LRRC49: variants seen among roughly 807,000 people sequenced by gnomAD.
LRRC49 encodes the protein leucine-rich repeat-containing protein 49.
A neutral mutation model predicts 83.3 loss-of-function variants in LRRC49; 50 were observed. The ratio of observed to expected loss-of-function variants is 0.60; its 90% CI spans 0.48 to 0.76. The LOEUF (loss-of-function observed/expected upper bound fraction) is 0.76. LRRC49 is among the 30% of genes least tolerant of loss of function. LRRC49 has a pLI of 0.00. For missense variants in LRRC49, 704 were observed against 809.1 expected (o/e 0.87, Z 1.58); for synonymous variants, 286 against 283.3 (o/e 1.01, Z -0.10).
intron 14 of LRRC49, among the ~76,000 whole-genome samples, chr15:71,032,516 G>A (rs2039390522): frequency 6.6e-6 from 1 of 152,046 alleles, no homozygotes. Context: ...ATTTTATGAG[G>A]CCATTATCAT....
intron 5 of LRRC49, among the ~76,000 whole-genome samples, 183 bp downstream of exon 5, chr15:70,904,938 T>C (rs1430418700): frequency 6.6e-6 from 1 of 152,210 alleles, no homozygotes; most frequent in Admixed American, 6.5e-5. Context: ...GTATGACAAT[T>C]TGTCACACCA....
intron 7 of LRRC49, among the ~76,000 whole-genome samples, chr15:70,933,749 G>C (rs548557634): frequency 1.4e-3 from 214 of 152,232 alleles, no homozygotes; most frequent in African/African-American, 4.9e-3. Flanking sequence ...GTTTAGGGTG[G>C]GTCTTTCAAT....
chr15:70,880,747 C>G (rs1032846652), intron 2 of LRRC49, among the ~76,000 whole-genome samples: 1 of 152,050 alleles, frequency 6.6e-6, no homozygotes, highest in African/African-American at 2.4e-5. Flanking sequence ...GTTGACATGG[C>G]TGTCAAAACT....
chr15:70,961,371 T>C (rs940962257), intron 8 of LRRC49, among the ~76,000 whole-genome samples: 1 of 152,212 alleles, frequency 6.6e-6, no homozygotes, highest in Admixed American at 6.5e-5. Flanking sequence ...ATAGTCTTAC[T>C]GTAATATACA....
chr15:70,890,384 T>C (rs748517581), upstream of LRRC49, among the ~76,000 whole-genome samples: 53 of 152,308 alleles, frequency 3.5e-4, no homozygotes, highest in African/African-American at 1.2e-3. Context: ...TGGCAGATAA[T>C]TGAAAATTCA....
intron 11 of LRRC49, among the ~76,000 whole-genome samples, chr15:71,001,986 C>T (rs570023620): frequency 8.5e-5 from 13 of 152,068 alleles, no homozygotes; most frequent in Non-Finnish European, 1.5e-4. Flanking sequence ...CCACCGTGCC[C>T]GGCTGTCTAT....
Position 70,959,348 on chromosome 15 carries a change from G to C in LRRC49, c.774-4437G>C, listed in dbSNP as rs1002171697. ...CTACTAAAAATACAAAGAATTAGCC[G>C]GGTGTGGTGGTGCATGCCTGTAATC... is the stretch of plus-strand genomic sequence containing the variant. On this transcript the variant is annotated intron_variant, in intron 8 of 15. Coordinates refer to ENST00000260382, the MANE Select transcript of LRRC49 (RefSeq NM_017691.5). Among the ~76,000 whole-genome samples, 3 of 152,166 alleles carry C rather than the reference G, an allele frequency of 2.0e-5. No individual in the cohort carries two copies. In the South Asian group the frequency reaches 6.2e-4, roughly 32 times the overall value.
chr15:70,992,404 C>G (rs566527020), intron 11 of LRRC49, among the ~76,000 whole-genome samples: 1 of 152,346 alleles, frequency 6.6e-6, no homozygotes, highest in East Asian at 1.9e-4. Flanking sequence ...GAATTTTCAG[C>G]TTTTCTGCTC....
chr15:70,860,011 C>T lies in LRRC49; in HGVS notation c.-299+6542C>T, dbSNP rs143995654. ...CCACCTATGGGGACCTCACAAGCCC[C>T]GGCCTCAGCTACAGCCTGGGCTCCA... On this transcript the variant is annotated intron_variant, in intron 1 of 16. Coordinates refer to the LRRC49 transcript ENST00000544974. 3.3e-4 allele frequency: 250 copies of T among 749,500 alleles called. No homozygotes were observed. In the East Asian group the frequency reaches 5.7e-3, roughly 17 times the overall value. 46.4% of individuals were successfully genotyped at this position (749,500 alleles called of 1,614,324 possible). A position where few individuals can be genotyped will look rare whatever the true frequency, so the allele number is the denominator to read the frequency against.
intron 8 of LRRC49, among the ~76,000 whole-genome samples, chr15:70,963,027 G>T (rs564362854): frequency 6.6e-6 from 1 of 151,928 alleles, no homozygotes; most frequent in Non-Finnish European, 1.5e-5. Flanking sequence ...AGCACTTTGG[G>T]GGGGCAAGGT....
Position 70,955,996 on chromosome 15 carries a change from A to C in LRRC49, c.774-7789A>C, listed in dbSNP as rs139087099. Among the ~76,000 whole-genome samples, 1,111 of 152,300 alleles carry C rather than the reference A, an allele frequency of 7.3e-3. 19 individuals are homozygous for C. Among genetic ancestry groups the C allele is most frequent in the African/African-American group, 0.024 (1,015 of 41,552 alleles). On this transcript the variant is annotated intron_variant, in intron 8 of 15. Coordinates refer to ENST00000260382, the MANE Select transcript of LRRC49 (RefSeq NM_017691.5). ...AGGCAAATAGTAACTATTCAGAAAA[A>C]TCCTCACTGATCAATATAAAATAAG...
At chr15:70,957,667 G>A (rs1414301174) in intron 8 of LRRC49, among the ~76,000 whole-genome samples, 1 of 151,896 alleles carries the variant, frequency 6.6e-6, no homozygotes, top group Admixed American at 6.6e-5. Context: ...GAGTTAGGTT[G>A]AGTATTGGAA....
At chr15:70,983,172 AT>A (rs560590638) in intron 10 of LRRC49, among the ~76,000 whole-genome samples, 161 of 151,696 alleles carry the variant, frequency 1.1e-3, no homozygotes, top group East Asian at 3.3e-3. Context: ...CAGAATAGGG[AT>A]TTTTTTTTCT....
intron 5 of LRRC49, 77 bp downstream of exon 5, chr15:70,904,832 T>C (rs1265134467): frequency 5.5e-6 from 6 of 1,099,804 alleles, no homozygotes; most frequent in Non-Finnish European, 7.9e-6. Flanking sequence ...TAGAATTGAA[T>C]AATACTTAAG....
At chr15:70,904,120 TTA>T (rs983587343) in intron 4 of LRRC49, among the ~76,000 whole-genome samples, 22 of 152,156 alleles carry the variant, frequency 1.4e-4, no homozygotes, top group East Asian at 1.9e-4. Flanking sequence ...TCTGAGATTT[TTA>T]TATGTTTTTA....
chr15:70,880,011 A>C (rs1327905064), intron 2 of LRRC49, among the ~76,000 whole-genome samples: 1 of 152,162 alleles, frequency 6.6e-6, no homozygotes, highest in Non-Finnish European at 1.5e-5. Context: ...CCTATATACC[A>C]TTCCAACTTC....
At chr15:70,860,623 C>T (rs916397375) in intron 1 of LRRC49, among the ~76,000 whole-genome samples, 1 of 152,104 alleles carries the variant, frequency 6.6e-6, no homozygotes, top group Non-Finnish European at 1.5e-5. Flanking sequence ...GTTGTCCAGG[C>T]TGGTTTCTAA....
chr15:70,932,722 CTG>C (rs2035452182), intron 7 of LRRC49, among the ~76,000 whole-genome samples: 1 of 139,886 alleles, frequency 7.1e-6, no homozygotes, highest in Non-Finnish European at 1.5e-5. Flanking sequence ...TTTTCTTTCT[CTG>C]TCTTTTTTTT....
intron 1 of LRRC49, among the ~76,000 whole-genome samples, chr15:70,864,104 C>A (rs770227746): frequency 1.3e-5 from 2 of 152,094 alleles, no homozygotes. Flanking sequence ...TGGTGACTAG[C>A]TAGATTCGTC....
Sources: allele counts gnomAD v4.1 joint callset (sites outside exome capture counted in the v4.1 genomes callset), GRCh38; gene constraint gnomAD v4.1.1; transcripts MANE v1.5; gene names NCBI Gene and HGNC (gene_info 2026-07-23, HGNC 2026-07-21).